The following IQCE variants were observed in gnomAD, a reference collection of about 807,000 sequenced individuals.
IQCE encodes IQ domain-containing protein E.
A neutral mutation model predicts 96.0 loss-of-function variants in IQCE; 115 were observed. The ratio of observed to expected loss-of-function variants is 1.20; its 90% confidence interval spans 1.03 to 1.40. The LOEUF is 1.40. Ranked by LOEUF, IQCE falls within the 40% of genes most tolerant of loss-of-function variation. IQCE has a pLI of 0.00. For synonymous variants in IQCE, 412 were observed against 371.2 expected, an observed-to-expected ratio of 1.11 and a Z score of -1.26; for missense variants, 1,041 against 909.1, an observed-to-expected ratio of 1.15 and a Z score of -1.87.
Position 2,612,579 on chromosome 7 carries a change from TGGGCGGGGC to T in IQCE, c.*2419_*2427del. 2.2e-5 allele frequency: 1 copy of T among 44,614 alleles called. No individual in the cohort carries two copies. The highest frequency in any genetic ancestry group is 5.5e-5 in the Non-Finnish European group (1 of 18,120). 2.8% of individuals were successfully genotyped at this position (44,614 alleles called of 1,614,324 possible). On this transcript the variant is annotated 3_prime_UTR_variant, in exon 22 of 22. Transcript: ENST00000402050. ...GCCTAGTCATGGGAGGGGTGAGCTG[TGGGCGGGGC>T]GAGCTGTGGGTGGGGCCTAGCCATG...
At chr7:2,583,593 G>T (rs1782844361) in intron 9 of IQCE, 44 bp from the exon 10 acceptor site, 3 of 1,466,354 alleles carry the variant, frequency 2.0e-6, no homozygotes, top group East Asian at 2.5e-5. Flanking sequence ...CTGTCCCCTG[G>T]GAACGCTGGC....
intron 8 of IQCE, among the ~76,000 whole-genome samples, chr7:2,582,264 T>C (rs1366707652): frequency 1.3e-5 from 2 of 152,150 alleles, no homozygotes; most frequent in African/African-American, 4.8e-5. Context: ...TTTAATATAA[T>C]CAAGGGCACA....
chr7:2,595,616 C>G (rs1219769823), intron 16 of IQCE, among the ~76,000 whole-genome samples: 1 of 152,264 alleles, frequency 6.6e-6, no homozygotes, highest in Non-Finnish European at 1.5e-5. Context: ...CCCTGGCTCT[C>G]TGCTGCCTCC....
In IQCE at chr7:2,568,014, C is replaced by T. The variant is rs572516940; in HGVS notation, c.84+851C>T. Among the ~76,000 whole-genome samples, 14 of 152,294 alleles carry T rather than the reference C, an allele frequency of 9.2e-5. 1 individual carries two copies. The South Asian group carries it at 2.3e-3, about 25-fold the overall frequency. ...TGGAGGGGAAGTGAGGAGACCTGGC[C>T]GCGGTAGCCTTATCTGCTCGGTCTA... On this transcript the variant is annotated intron_variant, in intron 2 of 21. Transcript: ENST00000402050.
intron 1 of IQCE, 41 bp downstream of exon 1, chr7:2,559,258 G>A: frequency 3.4e-6 from 4 of 1,183,984 alleles, no homozygotes; most frequent in Non-Finnish European, 4.2e-6. Context: ...GGGCGTCCGC[G>A]AGGCCTCGGC....
intron 1 of IQCE, among the ~76,000 whole-genome samples, chr7:2,564,757 A>T (rs1189864771): frequency 1.3e-5 from 2 of 152,238 alleles, no homozygotes; most frequent in Middle Eastern, 3.4e-3. Flanking sequence ...ACTTGAGTAG[A>T]ATGTGTATTG....
In IQCE at chr7:2,559,040, G is replaced by C; in HGVS notation, c.-142G>C. The C allele has an allele frequency of 2.5e-6, 1 of 402,370 alleles. No individual in the cohort carries two copies. The highest frequency in any genetic ancestry group is 4.2e-5 in the East Asian group (1 of 23,542). 24.9% of individuals were successfully genotyped at this position (402,370 alleles called of 1,614,324 possible). On this transcript the variant is annotated 5_prime_UTR_variant, in exon 1 of 22. Transcript: ENST00000402050. ...CGCTTACCCGGCTGGGTAGGTCGGC[G>C]GCCTGGTTGCCATGGCAGCGGGGTC... is the stretch of plus-strand genomic sequence containing the variant.
chr7:2,573,560 G>T, intron 6 of IQCE, 72 bp downstream of exon 6: 4 of 860,200 alleles, frequency 4.7e-6, no homozygotes, highest in Non-Finnish European at 7.7e-6. Flanking sequence ...TAGAACATCA[G>T]TGCCTGTGCT....
chr7:2,608,515 T>C (rs1784975962), intron 21 of IQCE, among the ~76,000 whole-genome samples: 1 of 152,192 alleles, frequency 6.6e-6, no homozygotes, highest in African/African-American at 2.4e-5. Flanking sequence ...AAACTTCCAT[T>C]TGTAAAGCTC....
intron 1 of IQCE, among the ~76,000 whole-genome samples, chr7:2,566,896 G>A (rs1041792059): frequency 8.5e-5 from 13 of 152,242 alleles, no homozygotes; most frequent in Admixed American, 3.3e-4. Context: ...ACGCCTGCTG[G>A]GCGGCGTTTT....
At chr7:2,572,519 G>C (rs1169655582) in intron 5 of IQCE, among the ~76,000 whole-genome samples, 193 bp downstream of exon 5, 1 of 152,186 alleles carries the variant, frequency 6.6e-6, no homozygotes, top group Non-Finnish European at 1.5e-5. Context: ...TGCCCCAGAA[G>C]GTAGCTTTCC....
intron 5 of IQCE, among the ~76,000 whole-genome samples, chr7:2,573,112 C>G (rs1037029368): frequency 1.3e-5 from 2 of 152,210 alleles, no homozygotes; most frequent in African/African-American, 4.8e-5. Flanking sequence ...CTATTTAAAT[C>G]TGAACATGTC....
At chr7:2,565,417 A>G (rs889263676) in intron 1 of IQCE, among the ~76,000 whole-genome samples, 2 of 152,166 alleles carry the variant, frequency 1.3e-5, no homozygotes, top group Non-Finnish European at 2.9e-5. Flanking sequence ...TGGAGAGGGC[A>G]GCCGTTGTGG....
In IQCE at chr7:2,590,527, G is replaced by A. The variant is rs377392914; in HGVS notation, c.1244+421G>A. Among the ~76,000 whole-genome samples the A allele has an allele frequency of 1.1e-4, 17 of 152,340 alleles. No individual in the cohort carries two copies. The East Asian group carries it at 1.7e-3, about 16-fold the overall frequency. On this transcript the variant is annotated intron_variant, in intron 14 of 21. Transcript: ENST00000402050. ...TGCCTGTAATCCCAGCACTTTGGGA[G>A]GCCGAAGTGGGAGGATTGCTTGAGG...
rs985401311 is a variant in IQCE at position 2,589,787 on chromosome 7, G to A, written c.1045-120G>A. The A allele has an allele frequency of 8.5e-6, 8 of 943,268 alleles. No homozygotes were observed. In the African/African-American group the frequency reaches 1.3e-4, roughly 15 times the overall value. The allele number at this position is 943,268 out of a possible 1,614,324, so 58.4% of individuals were successfully genotyped here. On this transcript the variant is annotated intron_variant, in intron 13 of 21. Coordinates refer to ENST00000402050, the MANE Select transcript of IQCE (RefSeq NM_152558.5). ...TCTGGGTAACTCGGGTCCCCTCAAAGCTTTCTCATGGCCCTGCTGGAGACT... is the reference window on the plus strand; with the variant it reads ...TCTGGGTAACTCGGGTCCCCTCAAAACTTTCTCATGGCCCTGCTGGAGACT...
rs527282901 is a variant in IQCE at position 2,585,617 on chromosome 7, G to A, written c.825-591G>A. Among the ~76,000 whole-genome samples the A allele has an allele frequency of 1.3e-5, 2 of 152,354 alleles. 1 individual carries two copies. Among genetic ancestry groups the A allele is most frequent in the African/African-American group, 4.8e-5 (2 of 41,584 alleles). On this transcript the variant is annotated intron_variant, in intron 11 of 21. Transcript: ENST00000402050. ...ACGTGAGAGCCACAGCGCCAGGCAG[G>A]CCACAGAAAGCACACTTGTTTTTAC...
At chr7:2,560,411 C>A (rs140730810) in intron 1 of IQCE, among the ~76,000 whole-genome samples, 93 of 152,340 alleles carry the variant, frequency 6.1e-4, no homozygotes, top group African/African-American at 2.1e-3. Flanking sequence ...CTGTGCTCAC[C>A]TTGCTTCCTC....
chr7:2,582,128 C>G (rs1453658880), intron 8 of IQCE: 3 of 459,412 alleles, frequency 6.5e-6, no homozygotes, highest in African/African-American at 6.1e-5. Flanking sequence ...AGGGGAGTGG[C>G]TCCTCAGGCC....
chr7:2,597,246 G>C (rs1032319274), intron 16 of IQCE: 3 of 412,556 alleles, frequency 7.3e-6, no homozygotes, highest in African/African-American at 2.1e-5. Context: ...GGTGATTAAG[G>C]CTGAGAAACA....
Sources: gnomAD v4.1 joint callset for allele counts (sites outside exome capture counted in the v4.1 genomes callset) on GRCh38, gnomAD v4.1.1 for gene constraint, MANE v1.5 for transcripts, NCBI Gene and HGNC (gene_info 2026-07-23, HGNC 2026-07-21) for gene names.